Variants in RALA observed in about 807,000 individuals in gnomAD.
RALA encodes RAS like proto-oncogene A.
Under a neutral mutation model 24.0 loss-of-function variants are expected in RALA, and 5 were observed. The ratio of observed to expected loss-of-function variants is 0.21; its 90% CI spans 0.11 to 0.44. The LOEUF is 0.44. RALA is among the 20% of genes least tolerant of loss of function. The pLI, the probability that RALA is intolerant of heterozygous loss-of-function variation, is 0.99. For missense variants in RALA, 95 were observed against 241.2 expected, an observed-to-expected ratio of 0.39 and a Z score of 4.01; for synonymous variants, 77 against 83.8, an observed-to-expected ratio of 0.92 and a Z score of 0.44.
chr7:39,653,394 A>G (rs1279586545), intron 1 of RALA, among the ~76,000 whole-genome samples: 1 of 152,068 alleles, frequency 6.6e-6, no homozygotes, highest in East Asian at 1.9e-4. Context: ...TGGCACAGTC[A>G]TGTCTCACTG....
chr7:39,685,855 C>T (rs1257975857), intron 1 of RALA, among the ~76,000 whole-genome samples: 1 of 152,116 alleles, frequency 6.6e-6, no homozygotes, highest in Non-Finnish European at 1.5e-5. Flanking sequence ...TAATGTGAGG[C>T]ATGATGTAGT....
intron 1 of RALA, among the ~76,000 whole-genome samples, chr7:39,627,526 T>C (rs937028545): frequency 6.6e-6 from 1 of 152,220 alleles, no homozygotes; most frequent in Non-Finnish European, 1.5e-5. Flanking sequence ...TTTGGTAATG[T>C]TATTTTGGAC....
At chr7:39,633,754 C>T (rs1199215611) in intron 1 of RALA, among the ~76,000 whole-genome samples, 1 of 152,084 alleles carries the variant, frequency 6.6e-6, no homozygotes, top group African/African-American at 2.4e-5. Context: ...GTTCTTTCTC[C>T]AGGTTTTATT....
chr7:39,683,622 T>G (rs1390712312), intron 1 of RALA, among the ~76,000 whole-genome samples: 3 of 152,032 alleles, frequency 2.0e-5, no homozygotes, highest in African/African-American at 7.3e-5. Context: ...AAAATGGGGG[T>G]CGAGTAGTTT....
At chr7:39,637,365 G>A (rs997364713) in intron 1 of RALA, among the ~76,000 whole-genome samples, 9 of 152,022 alleles carry the variant, frequency 5.9e-5, no homozygotes, top group Non-Finnish European at 7.4e-5. Context: ...TAGAGAGGAC[G>A]GCTATTCTTC....
rs559282896 is a variant in RALA at position 39,695,802 on chromosome 7, TTAA to T, written c.324-878_324-876del. Reference sequence around the variant, plus strand: ...TACGTTCCTATAGCTTCAACAGCTCTTAATAATTTCAAAGGAGAGGCATTTTTA... The same window carrying T: ...TACGTTCCTATAGCTTCAACAGCTCTTAATTTCAAAGGAGAGGCATTTTTA... On this transcript the variant is annotated intron_variant, in intron 3 of 4. Transcript: ENST00000005257. Among the ~76,000 whole-genome samples the T allele has an allele frequency of 1.4e-4, 21 of 152,344 alleles. No homozygotes were observed. In the East Asian group the frequency reaches 3.1e-3, roughly 22 times the overall value.
intron 3 of RALA, among the ~76,000 whole-genome samples, chr7:39,695,529 G>A (rs1343455757): frequency 1.3e-5 from 2 of 151,548 alleles, no homozygotes; most frequent in East Asian, 3.9e-4. Context: ...TTCCTGAGTA[G>A]CTAGGACTAC....
intron 1 of RALA, among the ~76,000 whole-genome samples, chr7:39,628,442 G>A (rs1295362414): frequency 2.6e-5 from 4 of 151,134 alleles, no homozygotes; most frequent in East Asian, 1.9e-4. Flanking sequence ...GGCCTTCTTC[G>A]TAGGCCTTTA....
intron 4 of RALA, among the ~76,000 whole-genome samples, 195 bp from the exon 5 acceptor site, chr7:39,705,928 A>C (rs915421666): frequency 2.0e-5 from 3 of 151,992 alleles, no homozygotes; most frequent in African/African-American, 7.2e-5. Context: ...AATTCAGAAA[A>C]CTTCCTAGTT....
At chr7:39,661,087 C>A (rs2115995096) in intron 1 of RALA, among the ~76,000 whole-genome samples, 1 of 152,204 alleles carries the variant, frequency 6.6e-6, no homozygotes, top group African/African-American at 2.4e-5. Context: ...AAGGGAAACT[C>A]CTTATAAAAC....
chr7:39,693,617 T>TG (rs1792869942), intron 3 of RALA, among the ~76,000 whole-genome samples: 1 of 152,104 alleles, frequency 6.6e-6, no homozygotes, highest in African/African-American at 2.4e-5. Context: ...CAAAGGAAAC[T>TG]GGTTAAGAAA....
intron 4 of RALA, among the ~76,000 whole-genome samples, chr7:39,697,818 G>A (rs967148403): frequency 5.3e-5 from 8 of 152,122 alleles, no homozygotes; most frequent in African/African-American, 1.4e-4. Context: ...AGACAGTGTC[G>A]TTGCTGTCTT....
chr7:39,649,243 G>C (rs1299845908), intron 1 of RALA, among the ~76,000 whole-genome samples: 1 of 152,170 alleles, frequency 6.6e-6, no homozygotes, highest in Non-Finnish European at 1.5e-5. Flanking sequence ...AGTTTTATGT[G>C]TTAAGTAGGC....
chr7:39,674,953 A>G (rs901455873), intron 1 of RALA, among the ~76,000 whole-genome samples: 7 of 150,000 alleles, frequency 4.7e-5, no homozygotes, highest in African/African-American at 1.7e-4. Flanking sequence ...CCTCCTGCAT[A>G]GCTGGGATTA....
intron 1 of RALA, among the ~76,000 whole-genome samples, chr7:39,671,966 G>T (rs1007686020): frequency 1.3e-5 from 2 of 151,918 alleles, no homozygotes; most frequent in African/African-American, 2.4e-5. Context: ...TCATTTTTTT[G>T]ACTTCCTTCC....
intron 1 of RALA, among the ~76,000 whole-genome samples, chr7:39,662,799 T>C (rs1792215675): frequency 6.6e-6 from 1 of 152,204 alleles, no homozygotes; most frequent in Non-Finnish European, 1.5e-5. Context: ...CCAAAGTCGC[T>C]TCCACATTTT....
intron 4 of RALA, chr7:39,700,885 A>G (rs1793014690): frequency 2.0e-5 from 3 of 152,258 alleles, no homozygotes; most frequent in African/African-American, 7.2e-5. Flanking sequence ...CAGTGGCTAC[A>G]TAAAAGTCAT....
intron 3 of RALA, among the ~76,000 whole-genome samples, chr7:39,696,238 A>C: frequency 6.6e-6 from 1 of 152,178 alleles, no homozygotes; most frequent in Non-Finnish European, 1.5e-5. Flanking sequence ...ATATGATGCA[A>C]TAAGAATAGC....
At chr7:39,701,654 C>T (rs1170271199) in intron 4 of RALA, among the ~76,000 whole-genome samples, 1 of 152,206 alleles carries the variant, frequency 6.6e-6, no homozygotes, top group East Asian at 1.9e-4. Context: ...CATGCTTTGT[C>T]ACAGAACAAA....
Sources: gnomAD v4.1 joint callset for allele counts (sites outside exome capture counted in the v4.1 genomes callset) on GRCh38, gnomAD v4.1.1 for gene constraint, MANE v1.5 for transcripts, NCBI Gene and HGNC (gene_info 2026-07-23, HGNC 2026-07-21) for gene names.